Variants in PPARG observed in about 807,000 individuals in gnomAD.
PPARG encodes peroxisome proliferator-activated receptor gamma.
In PPARG, 17 loss-of-function variants were observed where a neutral mutation model predicts 39.2. That is an observed-to-expected ratio of 0.43 (90% CI 0.30 to 0.65). PPARG has a LOEUF of 0.65. PPARG is among the 30% of genes least tolerant of loss of function. PPARG has a pLI of 0.13. For missense variants in PPARG, 406 were observed against 585.9 expected (o/e 0.69, Z 3.17); for synonymous variants, 223 against 215.7 (o/e 1.03, Z -0.30).
At chr3:12,404,590 G>C (rs2050591745) in intron 5 of PPARG, among the ~76,000 whole-genome samples, 1 of 152,152 alleles carries the variant, frequency 6.6e-6, no homozygotes, top group Non-Finnish European at 1.5e-5. Context: ...AATCACTTGA[G>C]GTCAGGAGTT....
chr3:12,416,310 T>C (rs1245972085), intron 6 of PPARG, among the ~76,000 whole-genome samples: 1 of 151,882 alleles, frequency 6.6e-6, no homozygotes, highest in Non-Finnish European at 1.5e-5. Flanking sequence ...ACCTGGGAGG[T>C]GGAGGTTGCA....
At chr3:12,371,994 G>C in intron 2 of PPARG, 1 of 716,758 alleles carries the variant, frequency 1.4e-6, no homozygotes, top group South Asian at 1.5e-5. Context: ...TGGAACCACA[G>C]TTATGAGTAC....
intron 2 of PPARG, among the ~76,000 whole-genome samples, chr3:12,316,677 C>T (rs1446618675): frequency 6.6e-6 from 1 of 150,706 alleles, no homozygotes; most frequent in African/African-American, 2.4e-5. Context: ...GTGTCTGGCT[C>T]TAAGGGGAAT....
intron 5 of PPARG, among the ~76,000 whole-genome samples, chr3:12,395,795 C>G (rs970091367): frequency 2.0e-5 from 3 of 152,182 alleles, no homozygotes; most frequent in African/African-American, 7.2e-5. Flanking sequence ...TGAGTCATCT[C>G]AAGCACAATC....
chr3:12,299,306 G>A (rs571492746), intron 1 of PPARG, among the ~76,000 whole-genome samples: 4 of 152,252 alleles, frequency 2.6e-5, no homozygotes, highest in Non-Finnish European at 4.4e-5. Flanking sequence ...CAATGGGAAT[G>A]ACGGTGACTA....
At chr3:12,288,182 G>C (rs1413298959), upstream of PPARG, among the ~76,000 whole-genome samples, 1 of 151,824 alleles carries the variant, frequency 6.6e-6, no homozygotes, top group Non-Finnish European at 1.5e-5. Context: ...GGAGAAGGGG[G>C]TCTCGGCTGA....
intron 2 of PPARG, among the ~76,000 whole-genome samples, chr3:12,347,449 A>G (rs188134834): frequency 4.1e-4 from 63 of 152,276 alleles, no homozygotes; most frequent in South Asian, 2.3e-3. Context: ...TCCAGGATAC[A>G]GGATTATTTG....
chr3:12,346,038 A>G (rs1334506065), intron 2 of PPARG, among the ~76,000 whole-genome samples: 3 of 152,242 alleles, frequency 2.0e-5, no homozygotes, highest in Non-Finnish European at 4.4e-5. Context: ...ACATGCAACG[A>G]CAAGTTAACA....
At chr3:12,382,731 A>T (rs918792849) in intron 4 of PPARG, among the ~76,000 whole-genome samples, 3 of 152,174 alleles carry the variant, frequency 2.0e-5, no homozygotes, top group Non-Finnish European at 4.4e-5. Context: ...ACACTTTGGG[A>T]GGCCAAGGCA....
intron 2 of PPARG, among the ~76,000 whole-genome samples, chr3:12,328,583 C>T (rs998656950): frequency 2.0e-4 from 30 of 152,326 alleles, no homozygotes; most frequent in African/African-American, 6.5e-4. Context: ...CCACTAGGCA[C>T]ACCAGCCAGA....
chr3:12,429,571 A>AAG (rs1559538699), intron 7 of PPARG, among the ~76,000 whole-genome samples: 1 of 147,980 alleles, frequency 6.8e-6, no homozygotes. Flanking sequence ...AAAAAAAAAA[A>AAG]AAGAAGCAGG....
At chr3:12,408,015 C>A (rs2050733918) in intron 6 of PPARG, among the ~76,000 whole-genome samples, 1 of 152,122 alleles carries the variant, frequency 6.6e-6, no homozygotes, top group African/African-American at 2.4e-5. Flanking sequence ...TGCCCTAAGA[C>A]CCCACAGCAA....
intron 7 of PPARG, among the ~76,000 whole-genome samples, chr3:12,433,469 C>A (rs1233601363): frequency 6.8e-6 from 1 of 147,866 alleles, no homozygotes; most frequent in Non-Finnish European, 1.5e-5. Flanking sequence ...TCCCGGGAGG[C>A]ATAGGTTGTA....
At chr3:12,429,116 T>C (rs568292988) in intron 7 of PPARG, among the ~76,000 whole-genome samples, 7 of 152,214 alleles carry the variant, frequency 4.6e-5, no homozygotes, top group Non-Finnish European at 1.0e-4. Flanking sequence ...ACAATGGGAC[T>C]GATCTGTAAA....
intron 2 of PPARG, among the ~76,000 whole-genome samples, chr3:12,358,345 G>A (rs770631749): frequency 1.5e-4 from 23 of 152,150 alleles, no homozygotes; most frequent in Non-Finnish European, 2.8e-4. Flanking sequence ...AGCACTTAAA[G>A]TATTAATTGC....
At chr3:12,383,555 GTT>G (rs1482352738) in intron 4 of PPARG, among the ~76,000 whole-genome samples, 76 of 152,196 alleles carry the variant, frequency 5.0e-4, no homozygotes, top group Non-Finnish European at 1.0e-3. Flanking sequence ...AAACCATTCT[GTT>G]TTGGTCATGT....
intron 7 of PPARG, among the ~76,000 whole-genome samples, chr3:12,419,240 C>T (rs376677060): frequency 5.3e-5 from 8 of 152,138 alleles, no homozygotes; most frequent in South Asian, 2.1e-4. Flanking sequence ...CCACCATGCC[C>T]GGCCGACGTT....
chr3:12,427,399 C>T (rs2051490244), intron 7 of PPARG, among the ~76,000 whole-genome samples: 1 of 152,128 alleles, frequency 6.6e-6, no homozygotes, highest in African/African-American at 2.4e-5. Context: ...TTCTTGAGCT[C>T]CTGAATTTCT....
At chr3:12,359,581 A>G (rs1343269005) in intron 2 of PPARG, among the ~76,000 whole-genome samples, 1 of 152,132 alleles carries the variant, frequency 6.6e-6, no homozygotes, top group East Asian at 1.9e-4. Flanking sequence ...TTAAAAATAC[A>G]GTGTCCTTGT....
Sources: allele counts gnomAD v4.1 joint callset (sites outside exome capture counted in the v4.1 genomes callset), GRCh38; gene constraint gnomAD v4.1.1; transcripts MANE v1.5; gene names NCBI Gene and HGNC (gene_info 2026-07-23, HGNC 2026-07-21).